Variants in FLRT1 observed in about 807,000 individuals in gnomAD.
The protein encoded by FLRT1 is fibronectin leucine rich transmembrane protein 1.
FLRT1 carries 14 observed loss-of-function variants against 30.9 expected under a neutral mutation model. The ratio of observed to expected loss-of-function variants is 0.45; its 90% CI spans 0.30 to 0.71. The LOEUF is 0.71. Ranked by LOEUF, FLRT1 falls within the 30% of genes least tolerant of loss-of-function variation. The pLI is 0.08. For synonymous variants in FLRT1, 368 were observed against 430.4 expected, an observed-to-expected ratio of 0.85 and a Z score of 1.80; for missense variants, 737 against 949.2, an observed-to-expected ratio of 0.78 and a Z score of 2.94.
chr11:64,111,333 G>A lies in FLRT1; in HGVS notation c.-49-4886G>A, dbSNP rs367981114. On this transcript the variant is annotated intron_variant, in intron 2 of 2. Coordinates refer to ENST00000682287, the MANE Select transcript of FLRT1 (RefSeq NM_013280.5). Reference sequence around the variant, plus strand: ...GTAATCCTCCAGCCAGACGCTGGGGGCCCCCTGGCAGAGGTGCTCCTAGAC... The same window carrying A: ...GTAATCCTCCAGCCAGACGCTGGGGACCCCCTGGCAGAGGTGCTCCTAGAC... 1.4e-4 allele frequency among the ~76,000 whole-genome samples: 21 copies of A among 152,338 alleles called. No homozygotes were observed. The East Asian group carries it at 3.9e-3, about 28-fold the overall frequency.
chr11:64,092,121 AG>A (rs1944501565), intron 1 of FLRT1, among the ~76,000 whole-genome samples: 1 of 152,132 alleles, frequency 6.6e-6, no homozygotes, highest in African/African-American at 2.4e-5. Context: ...CTGGCCTCCA[AG>A]CTTGGCCCGT....
chr11:64,078,322 T>C (rs1944241131), intron 1 of FLRT1, among the ~76,000 whole-genome samples: 2 of 152,208 alleles, frequency 1.3e-5, no homozygotes, highest in South Asian at 4.1e-4. Context: ...GACCCCTGCC[T>C]GCAGGCCTGC....
At chr11:64,079,392 G>A (rs1379664394) in intron 1 of FLRT1, among the ~76,000 whole-genome samples, 1 of 151,958 alleles carries the variant, frequency 6.6e-6, no homozygotes, top group Non-Finnish European at 1.5e-5. Flanking sequence ...AGGAGGGAAG[G>A]GGGTCGTTGG....
At chr11:64,058,403 TG>T (rs36076587) in intron 1 of FLRT1, among the ~76,000 whole-genome samples, 3,791 of 151,372 alleles carry the variant, frequency 0.025, 152 homozygotes, top group African/African-American at 0.085. Flanking sequence ...GAGGAGGGCT[TG>T]GGGGGGGGTC....
chr11:64,055,495 C>T (rs1423645917), intron 1 of FLRT1, among the ~76,000 whole-genome samples: 1 of 152,142 alleles, frequency 6.6e-6, no homozygotes, highest in African/African-American at 2.4e-5. Context: ...CTAAGTGGCT[C>T]CCCTGCCCCA....
At chr11:64,054,519 C>G (rs1943749070) in intron 1 of FLRT1, among the ~76,000 whole-genome samples, 1 of 152,126 alleles carries the variant, frequency 6.6e-6, no homozygotes, top group Admixed American at 6.5e-5. Context: ...TGCATCTTCT[C>G]TCTGCTCAGA....
At position 64,082,407 on chromosome 11, in the gene FLRT1, G is replaced by T. The variant is rs1944320073; in HGVS notation, c.-1037-20787G>T. 6.6e-6 allele frequency among the ~76,000 whole-genome samples: 1 copy of T among 151,974 alleles called. No homozygotes were observed. Among genetic ancestry groups the T allele is most frequent in the South Asian group, 2.1e-4 (1 of 4,810 alleles). The stretch of plus-strand genomic sequence containing the variant: ...TGATGGCTGGGAGGGAGCCTGAAGT[G>T]GGGGCGTCCTAAGGTGAGGGGCAGG... On this transcript the variant is annotated intron_variant, in intron 1 of 2. Coordinates refer to ENST00000682287, the MANE Select transcript of FLRT1 (RefSeq NM_013280.5). The surrounding 1 kb of genome is among the most constrained non-coding windows in gnomAD (Gnocchi z 4.5).
intron 2 of FLRT1, among the ~76,000 whole-genome samples, chr11:64,110,780 C>G (rs1171789600): frequency 1.3e-5 from 2 of 152,166 alleles, no homozygotes; most frequent in African/African-American, 4.8e-5. Flanking sequence ...GGGCGATTTA[C>G]CAGGTTTAAT....
chr11:64,110,757 T>G (rs762350240), intron 2 of FLRT1, among the ~76,000 whole-genome samples: 57 of 152,156 alleles, frequency 3.7e-4, no homozygotes, highest in Non-Finnish European at 6.5e-4. Context: ...CGACAAGCGA[T>G]CCCATAAAAG....
chr11:64,078,965 G>A (rs1270139687), intron 1 of FLRT1, among the ~76,000 whole-genome samples: 1 of 152,158 alleles, frequency 6.6e-6, no homozygotes, highest in Non-Finnish European at 1.5e-5. Context: ...GGAGACAGAG[G>A]TCTGTAGACT....
chr11:64,117,153 C>A lies in FLRT1; in HGVS notation c.886C>A (p.Leu296Met), dbSNP rs1945001381. The A allele has an allele frequency of 6.2e-7, 1 of 1,613,692 alleles. No homozygotes were observed. The highest frequency in any genetic ancestry group is 1.3e-5 in the African/African-American group (1 of 74,942). The stretch of plus-strand genomic sequence containing the variant: ...CAACACGCTGGCCAAGATGCGTGAG[C>A]TGGAGCGGCTGGACCTGTCCAACAA... ...PYNTLAKMRE[L>M]ERLDLSNNNL... Residue 296 changes from leucine (L) to methionine (M), a missense_variant, in exon 3 of 3, where the codon CTG (leucine) becomes ATG (methionine). Coordinates refer to ENST00000682287, the MANE Select transcript of FLRT1 (RefSeq NM_013280.5).
intron 1 of FLRT1, among the ~76,000 whole-genome samples, chr11:64,087,597 C>A (rs1944417116): frequency 6.6e-6 from 1 of 152,220 alleles, no homozygotes. Flanking sequence ...TCACTCGCTG[C>A]AGCCTGCAAG....
At chr11:64,088,422 C>T (rs1457115034) in intron 1 of FLRT1, among the ~76,000 whole-genome samples, 1 of 152,172 alleles carries the variant, frequency 6.6e-6, no homozygotes. Context: ...CACAAGCATC[C>T]TCCCTGTGAG....
In FLRT1 at chr11:64,118,068, A is replaced by G; in HGVS notation, c.1801A>G (p.Met601Val). Residue 601 changes from methionine (M) to valine (V), a missense_variant, in exon 3 of 3, where the codon ATG (methionine) becomes GTG (valine). Transcript: ENST00000682287. Reference protein sequence around the residue: ...NRGSRKKDDYMESGTKKDNSI... With the variant: ...NRGSRKKDDYVESGTKKDNSI... ...GGGCAGCAGGAAAAAGGATGACTATATGGAGTCAGGGACCAAGAAGGATAA... is the reference window on the plus strand; with the variant it reads ...GGGCAGCAGGAAAAAGGATGACTATGTGGAGTCAGGGACCAAGAAGGATAA... The G allele has an allele frequency of 1.9e-6, 3 of 1,613,062 alleles. No individual in the cohort carries two copies. Among genetic ancestry groups the G allele is most frequent in the South Asian group, 1.1e-5 (1 of 91,024 alleles).
intron 1 of FLRT1, among the ~76,000 whole-genome samples, chr11:64,073,643 G>A (rs1010806202): frequency 2.0e-5 from 3 of 152,224 alleles, no homozygotes; most frequent in South Asian, 2.1e-4. Context: ...GCACATGTAC[G>A]TCTGGGCCGG....
At chr11:64,115,183 C>A (rs906679641) in intron 2 of FLRT1, among the ~76,000 whole-genome samples, 2 of 152,194 alleles carry the variant, frequency 1.3e-5, no homozygotes, top group Non-Finnish European at 2.9e-5. Flanking sequence ...ACCTTCCTCA[C>A]TGAGACTGAA....
At position 64,114,459 on chromosome 11, in the gene FLRT1, GGATA is replaced by G. The variant is rs900830739; in HGVS notation, c.-49-1756_-49-1753del. 4.7e-5 allele frequency among the ~76,000 whole-genome samples: 7 copies of G among 149,798 alleles called. 1 individual carries two copies. The highest frequency in any genetic ancestry group is 6.5e-3 in the Middle Eastern group (2 of 306). Reference sequence around the variant, plus strand: ...TGGATGGATGGATGGATGAATGGATGGATAGATGGATGGATGGAGGGATGGTTGA... The same window carrying G: ...TGGATGGATGGATGGATGAATGGATGGATGGATGGATGGAGGGATGGTTGA... On this transcript the variant is annotated intron_variant, in intron 2 of 2. Transcript: ENST00000682287.
intron 1 of FLRT1, among the ~76,000 whole-genome samples, chr11:64,065,789 CA>C (rs58096977): frequency 0.23 from 15,515 of 67,570 alleles, 1,539 homozygotes; most frequent in East Asian, 0.41. Flanking sequence ...GACTCCGCCT[CA>C]AAAAAAAAAA....
intron 1 of FLRT1, among the ~76,000 whole-genome samples, chr11:64,043,689 T>C (rs1448505800): frequency 6.6e-6 from 1 of 152,192 alleles, no homozygotes; most frequent in Non-Finnish European, 1.5e-5. Flanking sequence ...TAGAGCACCA[T>C]GCTAAGGACT....
Sources: allele counts gnomAD v4.1 joint callset (sites outside exome capture counted in the v4.1 genomes callset), GRCh38; gene constraint gnomAD v4.1.1; non-coding constraint Gnocchi (gnomAD v3.1); transcripts MANE v1.5; gene names NCBI Gene and HGNC (gene_info 2026-07-23, HGNC 2026-07-21).